Variants in TNRC18 observed in about 807,000 individuals in gnomAD.
TNRC18 encodes the protein trinucleotide repeat-containing gene 18 protein.
A neutral mutation model predicts 226.7 loss-of-function variants in TNRC18; 69 were observed. That is an observed-to-expected ratio of 0.30 (90% confidence interval 0.25 to 0.37). TNRC18 has a LOEUF of 0.37. Ranked by LOEUF, TNRC18 falls within the 10% of genes least tolerant of loss-of-function variation. The pLI is 1.00. For synonymous variants in TNRC18, 2,449 were observed against 1,927.6 expected (o/e 1.27, Z -7.09); for missense variants, 4,754 against 4,256.6 (o/e 1.12, Z -3.25).
intron 5 of TNRC18, among the ~76,000 whole-genome samples, chr7:5,382,786 C>G (rs189009837): frequency 6.6e-6 from 1 of 152,214 alleles, no homozygotes; most frequent in African/African-American, 2.4e-5. Flanking sequence ...GGCCTGTCTC[C>G]CCATCTGAAT....
Position 5,345,614 on chromosome 7 carries a change from C to G in TNRC18, c.5667G>C (p.Gln1889His). 6.4e-7 allele frequency: 1 copy of G among 1,559,234 alleles called. No individual in the cohort carries two copies. The highest frequency in any genetic ancestry group is 1.2e-5 in the South Asian group (1 of 84,470). Residue 1889 changes from glutamine to histidine, a missense_variant, in exon 18 of 30, where the codon CAG becomes CAC. Transcript: ENST00000430969. The stretch of plus-strand genomic sequence containing the variant: ...TCCGGGCCTTCTGCTTGGCCTCCAG[C>G]TGTACCACAGACAGGGATGGACCCA... Reference protein sequence around the residue: ...PTVGPSLSVVQLEAKQKARKK... With the variant: ...PTVGPSLSVVHLEAKQKARKK...
chr7:5,361,784 C>A, intron 13 of TNRC18, 62 bp from the exon 14 acceptor site: 1 of 1,536,716 alleles, frequency 6.5e-7, no homozygotes, highest in South Asian at 1.2e-5. Context: ...GGAGAACGGG[C>A]ACACGATGCA....
At chr7:5,347,485 C>T (rs1791320774) in intron 17 of TNRC18, among the ~76,000 whole-genome samples, 1 of 147,310 alleles carries the variant, frequency 6.8e-6, no homozygotes, top group African/African-American at 2.5e-5. Flanking sequence ...CATGAGCCGC[C>T]ACACCCAGCC....
In TNRC18 at chr7:5,388,865, C is replaced by T. The variant is rs1452528073; in HGVS notation, c.959G>A (p.Arg320His). Residue 320 changes from arginine (R) to histidine (H), a missense_variant, in exon 5 of 30, where the codon CGC becomes CAC. Coordinates refer to ENST00000430969, the MANE Select transcript of TNRC18 (RefSeq NM_001080495.3). ...CGGCCCAGGGAGCAGGGTCTCCGTG[C>T]GCCGCAGCAGCCGCGCGCCCTCGTC... The part of the protein sequence containing the change: ...RQDEGARLLR[R>H]TETLLPGPRP... 2.9e-5 allele frequency: 37 copies of T among 1,283,972 alleles called. No homozygotes were observed. The highest frequency in any genetic ancestry group is 3.5e-5 in the Non-Finnish European group (35 of 1,011,796). The allele number at this position is 1,283,972 out of a possible 1,614,324, so 79.5% of individuals were successfully genotyped here.
At chr7:5,362,523 C>A (rs962536853) in intron 12 of TNRC18, 127 bp downstream of exon 12, 19 of 881,608 alleles carry the variant, frequency 2.2e-5, no homozygotes, top group Middle Eastern at 3.5e-4. Context: ...GCACAAGGAG[C>A]TGAACGTAGC....
chr7:5,343,643 T>C (rs57982041), intron 18 of TNRC18, among the ~76,000 whole-genome samples: 2 of 152,154 alleles, frequency 1.3e-5, no homozygotes, highest in Admixed American at 6.5e-5. Flanking sequence ...CCCAGGCCGG[T>C]CTTGAACTAC....
intron 9 of TNRC18, among the ~76,000 whole-genome samples, chr7:5,375,223 C>T (rs570124925): frequency 8.0e-4 from 122 of 152,260 alleles, no homozygotes; most frequent in Non-Finnish European, 9.6e-4. Flanking sequence ...GCAGGAGAAT[C>T]GTTTGAACCC....
intron 2 of TNRC18, among the ~76,000 whole-genome samples, chr7:5,404,805 A>G (rs1192128249): frequency 1.4e-5 from 2 of 147,424 alleles, no homozygotes; most frequent in African/African-American, 2.7e-5. Flanking sequence ...TAAAATGAAA[A>G]GGTGTCTCTA....
intron 11 of TNRC18, among the ~76,000 whole-genome samples, chr7:5,370,041 C>T (rs775021515): frequency 1.3e-5 from 2 of 151,998 alleles, no homozygotes; most frequent in Non-Finnish European, 2.9e-5. Context: ...CCGGGCACAG[C>T]GAGCGACTCA....
At position 5,377,336 on chromosome 7, in the gene TNRC18, C is replaced by CCCA. The variant is rs2128181146; in HGVS notation, c.2461+34_2461+35insTGG. 13 of 1,156,782 alleles carry CCCA rather than the reference C, an allele frequency of 1.1e-5. No individual in the cohort carries two copies. Among genetic ancestry groups the CCCA allele is most frequent in the South Asian group, 1.5e-5 (1 of 68,360 alleles). 71.7% of individuals were successfully genotyped at this position (1,156,782 alleles called of 1,614,324 possible). A position where few individuals can be genotyped will look rare whatever the true frequency, so the allele number is the denominator to read the frequency against. On this transcript the variant is annotated intron_variant, in intron 7 of 29. Transcript: ENST00000430969. This position sits in a 1 kb window ranked among gnomAD's most constrained non-coding sequence, Gnocchi z 5.8. ...CACCCGCCCCCTCCCACCCCTCCCT[C>CCCA]AGAGAAGGGGAGAGACCCTGTGCCC...
chr7:5,357,521 C>T (rs1251485535), intron 15 of TNRC18, among the ~76,000 whole-genome samples: 1 of 152,206 alleles, frequency 6.6e-6, no homozygotes, highest in Non-Finnish European at 1.5e-5. Context: ...AAGCATTTCT[C>T]CTGCCTCAGG....
intron 2 of TNRC18, among the ~76,000 whole-genome samples, chr7:5,396,170 C>CAA (rs1279583174): frequency 1.9e-4 from 10 of 52,348 alleles, no homozygotes; most frequent in South Asian, 1.3e-3. Context: ...GACTCTGTCT[C>CAA]AAAAAAAAAA....
chr7:5,356,284 G>A (rs576980608), intron 16 of TNRC18, among the ~76,000 whole-genome samples: 53 of 151,930 alleles, frequency 3.5e-4, no homozygotes, highest in African/African-American at 1.2e-3. Context: ...CTCCGCACCC[G>A]AGCGCACACA....
In TNRC18 at chr7:5,356,923, G is replaced by A. The variant is rs1325806770; in HGVS notation, c.5187C>T (p.Tyr1729=). The A allele has an allele frequency of 6.5e-6, 10 of 1,544,742 alleles. No homozygotes were observed. Among genetic ancestry groups the A allele is most frequent in the South Asian group, 1.2e-5 (1 of 83,164 alleles). Residue 1729 remains tyrosine, a synonymous_variant, in exon 16 of 30, where the codon TAC becomes TAT. Transcript: ENST00000430969. Reference sequence around the variant, plus strand: ...GCGGCATACGCTACTTACTGTAAGAGTAGCTGCTCACTTCCGAGGCAAACG... The same window carrying A: ...GCGGCATACGCTACTTACTGTAAGAATAGCTGCTCACTTCCGAGGCAAACG... ...HSPFASEVSS[Y]SYNTDSEEDE...
At chr7:5,363,331 G>T (rs1052903774) in intron 11 of TNRC18, among the ~76,000 whole-genome samples, 3 of 151,894 alleles carry the variant, frequency 2.0e-5, no homozygotes, top group Non-Finnish European at 4.4e-5. Flanking sequence ...GGCCAGGCGT[G>T]GTGGCTCACG....
chr7:5,387,660 C>T lies in TNRC18; in HGVS notation c.2152+12G>A. On this transcript the variant is annotated intron_variant, in intron 5 of 29. Transcript: ENST00000430969. Reference sequence around the variant, plus strand: ...AGATCCTACCCGCACCTGGGCTCTGCCCAGGACCTACCTTTGACGTTACTC... The same window carrying T: ...AGATCCTACCCGCACCTGGGCTCTGTCCAGGACCTACCTTTGACGTTACTC... 1 of 1,602,374 alleles carries T rather than the reference C, an allele frequency of 6.2e-7. No homozygotes were observed.
intron 21 of TNRC18, 39 bp from the exon 22 acceptor site, chr7:5,321,229 G>T: frequency 6.9e-7 from 1 of 1,442,148 alleles, no homozygotes. Flanking sequence ...TGGAGCCGGG[G>T]GCGTCTGCGA....
intron 2 of TNRC18, among the ~76,000 whole-genome samples, chr7:5,418,091 G>C (rs1309559616): frequency 6.6e-6 from 1 of 152,176 alleles, no homozygotes; most frequent in Non-Finnish European, 1.5e-5. Context: ...AGGGTGTGGG[G>C]GCAGGGAGAA....
intron 2 of TNRC18, among the ~76,000 whole-genome samples, chr7:5,397,484 C>T (rs1020146725): frequency 1.3e-5 from 2 of 152,284 alleles, no homozygotes; most frequent in African/African-American, 4.8e-5. Context: ...GGCGGGGCAG[C>T]CGGGAACCCC....
Sources: gnomAD v4.1 joint callset for allele counts (sites outside exome capture counted in the v4.1 genomes callset) on GRCh38, gnomAD v4.1.1 for gene constraint, Gnocchi (gnomAD v3.1) non-coding constraint, MANE v1.5 for transcripts, NCBI Gene and HGNC (gene_info 2026-07-23, HGNC 2026-07-21) for gene names.